Variants in MYRIP observed in about 807,000 individuals in gnomAD.
MYRIP encodes myosin VIIA and Rab interacting protein, also known as rab effector MyRIP.
In MYRIP, 49 loss-of-function variants were observed where a neutral mutation model predicts 98.0. The ratio of observed to expected loss-of-function variants is 0.50; its 90% CI spans 0.40 to 0.63. The LOEUF is 0.63. MYRIP is among the 30% of genes least tolerant of loss of function. The pLI is 0.00. For missense variants in MYRIP, 1,004 were observed against 1,058.2 expected (o/e 0.95, Z 0.71); for synonymous variants, 404 against 409.5 (o/e 0.99, Z 0.16).
At chr3:39,871,570 T>C (rs1057045357) in intron 1 of MYRIP, among the ~76,000 whole-genome samples, 41 of 152,262 alleles carry the variant, frequency 2.7e-4, no homozygotes, top group Middle Eastern at 3.4e-3. Flanking sequence ...GTCTTTCGAC[T>C]CAATTTCTCT....
intron 2 of MYRIP, among the ~76,000 whole-genome samples, chr3:39,939,336 T>G (rs1403840027): frequency 6.6e-6 from 1 of 152,080 alleles, no homozygotes; most frequent in Non-Finnish European, 1.5e-5. Flanking sequence ...AGGGCAACAC[T>G]CTAGAGTGAT....
In MYRIP at chr3:40,178,628, T is replaced by C. The variant is rs77383963; in HGVS notation, c.874-3592T>C. ...AACAGTTACACCGGCTCAGTGGTAA[T>C]ACTTAATAAATGCTCTTATTTGGCT... On this transcript the variant is annotated intron_variant, in intron 8 of 16. Coordinates refer to ENST00000302541, the MANE Select transcript of MYRIP (RefSeq NM_015460.4). Among the ~76,000 whole-genome samples the C allele has an allele frequency of 8.7e-3, 1,330 of 152,362 alleles. 14 individuals carry two copies. The highest frequency in any genetic ancestry group is 0.031 in the African/African-American group (1,280 of 41,578).
chr3:40,033,108 A>G (rs924381024), intron 2 of MYRIP, among the ~76,000 whole-genome samples: 33 of 150,410 alleles, frequency 2.2e-4, no homozygotes, highest in Non-Finnish European at 4.2e-4. Flanking sequence ...CCCACAGCCA[A>G]TATCATACTG....
intron 2 of MYRIP, among the ~76,000 whole-genome samples, chr3:40,004,899 A>T (rs575734748): frequency 2.0e-5 from 3 of 152,242 alleles, no homozygotes; most frequent in Non-Finnish European, 2.9e-5. Flanking sequence ...GTTAGTAAAC[A>T]TAGTACCTGA....
intron 4 of MYRIP, among the ~76,000 whole-genome samples, chr3:40,159,364 G>A (rs1000121724): frequency 5.9e-5 from 9 of 152,190 alleles, no homozygotes; most frequent in Admixed American, 1.3e-4. Flanking sequence ...AAAGAGATCC[G>A]CTGTTAGTCT....
At chr3:39,889,448 A>G (rs1943417539) in intron 1 of MYRIP, among the ~76,000 whole-genome samples, 1 of 152,142 alleles carries the variant, frequency 6.6e-6, no homozygotes, top group Admixed American at 6.5e-5. Flanking sequence ...CAAAGACCAC[A>G]TATTCTCACT....
chr3:39,869,750 C>T (rs1942728344), intron 1 of MYRIP, among the ~76,000 whole-genome samples: 1 of 152,130 alleles, frequency 6.6e-6, no homozygotes, highest in Non-Finnish European at 1.5e-5. Context: ...CTCCGATAAA[C>T]CAAGGTACTA....
chr3:40,258,286 C>A lies in MYRIP; in HGVS notation c.*120C>A. The A allele has an allele frequency of 1.7e-6, 2 of 1,192,312 alleles. No individual in the cohort carries two copies. Among genetic ancestry groups the A allele is most frequent in the Non-Finnish European group, 1.2e-6 (1 of 804,712 alleles). The allele number at this position is 1,192,312 out of a possible 1,614,324, so 73.9% of individuals were successfully genotyped here. ...CTGAGGAGAAGGCCTGGGGAGGCCA[C>A]AGTGCACCATTGCACAGGGCTGTCC... On this transcript the variant is annotated 3_prime_UTR_variant, in exon 17 of 17. Coordinates refer to ENST00000302541, the MANE Select transcript of MYRIP (RefSeq NM_015460.4).
chr3:39,845,291 G>A (rs1290946622), intron 1 of MYRIP, among the ~76,000 whole-genome samples: 5 of 152,302 alleles, frequency 3.3e-5, no homozygotes, highest in East Asian at 1.9e-4. Flanking sequence ...GGGCACAGAT[G>A]TATGCCCTTG....
chr3:39,875,421 A>T (rs1443964869), intron 1 of MYRIP, among the ~76,000 whole-genome samples: 1 of 150,676 alleles, frequency 6.6e-6, no homozygotes, highest in African/African-American at 2.5e-5. Flanking sequence ...TAGTTCTTTT[A>T]ATTGTGATGT....
intron 3 of MYRIP, among the ~76,000 whole-genome samples, chr3:40,095,798 A>G (rs766227999): frequency 1.2e-4 from 18 of 150,622 alleles, no homozygotes; most frequent in Non-Finnish European, 2.7e-4. Flanking sequence ...TGTCACACAC[A>G]TCTTTCCTAC....
intron 11 of MYRIP, among the ~76,000 whole-genome samples, chr3:40,230,708 G>C (rs1221857563): frequency 6.6e-6 from 1 of 152,184 alleles, no homozygotes; most frequent in African/African-American, 2.4e-5. Context: ...CCCTACAGGT[G>C]GGAAATTGCT....
At chr3:39,973,790 C>T (rs540519018) in intron 2 of MYRIP, among the ~76,000 whole-genome samples, 1 of 152,276 alleles carries the variant, frequency 6.6e-6, no homozygotes, top group Admixed American at 6.5e-5. Context: ...CAACCTGCTC[C>T]TGAATAACTA....
intron 2 of MYRIP, among the ~76,000 whole-genome samples, chr3:39,923,923 A>G (rs1042274519): frequency 1.3e-5 from 2 of 152,118 alleles, no homozygotes; most frequent in Non-Finnish European, 2.9e-5. Context: ...ATACCAGTAG[A>G]GCATGATGTA....
chr3:40,205,184 C>A (rs1305186019), intron 10 of MYRIP, among the ~76,000 whole-genome samples: 1 of 152,120 alleles, frequency 6.6e-6, no homozygotes, highest in Non-Finnish European at 1.5e-5. Flanking sequence ...AGGTCACAGG[C>A]ATCCTGCAAG....
chr3:39,823,265 CG>C (rs1286224804), intron 1 of MYRIP, among the ~76,000 whole-genome samples: 2 of 152,260 alleles, frequency 1.3e-5, no homozygotes, highest in Admixed American at 1.3e-4. Context: ...CTGCCCGCCT[CG>C]GCCTCCCAAA....
chr3:39,975,234 G>A (rs2125750864), intron 2 of MYRIP, among the ~76,000 whole-genome samples: 1 of 152,238 alleles, frequency 6.6e-6, no homozygotes, highest in Middle Eastern at 3.4e-3. Flanking sequence ...AAAATCACAA[G>A]CATTCTTATA....
At chr3:40,012,732 C>T (rs2125797707) in intron 2 of MYRIP, among the ~76,000 whole-genome samples, 1 of 152,304 alleles carries the variant, frequency 6.6e-6, no homozygotes, top group Admixed American at 6.5e-5. Flanking sequence ...AACATCTCAT[C>T]TCATCTTTTC....
At chr3:39,902,587 G>A (rs891903545) in intron 2 of MYRIP, among the ~76,000 whole-genome samples, 2 of 152,180 alleles carry the variant, frequency 1.3e-5, no homozygotes, top group South Asian at 4.1e-4. Flanking sequence ...TAGATTGATT[G>A]TCAATCCATA....
Sources: allele counts gnomAD v4.1 joint callset (sites outside exome capture counted in the v4.1 genomes callset), GRCh38; gene constraint gnomAD v4.1.1; transcripts MANE v1.5; gene names NCBI Gene and HGNC (gene_info 2026-07-23, HGNC 2026-07-21).